The following PTPRM variants were observed in gnomAD, a reference collection of about 807,000 sequenced individuals.
The protein encoded by PTPRM is protein tyrosine phosphatase receptor type M, also known as receptor-type tyrosine-protein phosphatase mu.
In PTPRM, 47 loss-of-function variants were observed where a neutral mutation model predicts 186.7. The observed-to-expected ratio is 0.25, with a 90% CI of 0.20 to 0.32. The LOEUF is 0.32. PTPRM is among the 10% of genes least tolerant of loss of function. The pLI is 1.00. For synonymous variants in PTPRM, 668 were observed against 674.9 expected (o/e 0.99, Z 0.16); for missense variants, 1,494 against 1,865.0 (o/e 0.80, Z 3.66).
chr18:8,352,658 T>TG (rs201101536), intron 23 of PTPRM, among the ~76,000 whole-genome samples: 10,736 of 127,306 alleles, frequency 0.084, 526 homozygotes, highest in South Asian at 0.11. Context: ...GTTTGGTTTT[T>TG]TTTGTTTGTT....
chr18:7,567,824 G>A lies in PTPRM; in HGVS notation c.6G>A (p.Arg2=), dbSNP rs889996488. Reference sequence around the variant, plus strand: ...CCCGGCCCGCACTCAGCACCATGAGGGGACTTGGGACTTGCCTGGCGACTT... The same window carrying A: ...CCCGGCCCGCACTCAGCACCATGAGAGGACTTGGGACTTGCCTGGCGACTT... M[R]GLGTCLATLA... is the part of the protein sequence containing the mutation. Residue 2 remains arginine, a synonymous_variant, in exon 1 of 33, where the codon AGG becomes AGA. Coordinates refer to ENST00000580170, the MANE Select transcript of PTPRM (RefSeq NM_001105244.2). The surrounding 1 kb of genome is among the most constrained non-coding windows in gnomAD (Gnocchi z 4.3). The A allele has an allele frequency of 1.3e-6, 2 of 1,554,924 alleles. No individual in the cohort carries two copies. The highest frequency in any genetic ancestry group is 2.7e-5 in the East Asian group (1 of 37,412).
At chr18:7,875,202 G>GA (rs199574991) in intron 2 of PTPRM, among the ~76,000 whole-genome samples, 20 of 148,852 alleles carry the variant, frequency 1.3e-4, no homozygotes, top group South Asian at 1.1e-3. Flanking sequence ...TCAAGAAAAA[G>GA]AAAAAAAAAG....
chr18:7,957,472 C>T (rs1017250065), intron 7 of PTPRM, among the ~76,000 whole-genome samples: 6 of 152,182 alleles, frequency 3.9e-5, no homozygotes, highest in African/African-American at 7.2e-5. Context: ...AGCCTAATGA[C>T]GATGCGCCCT....
At chr18:7,720,604 C>T (rs900602909) in intron 1 of PTPRM, among the ~76,000 whole-genome samples, 2 of 152,072 alleles carry the variant, frequency 1.3e-5, no homozygotes, top group Admixed American at 1.3e-4. Context: ...CCTTGCTAAC[C>T]TGATTCTGTA....
chr18:8,149,817 TCAGGAG>T (rs1457018231), intron 14 of PTPRM, among the ~76,000 whole-genome samples: 20 of 152,202 alleles, frequency 1.3e-4, no homozygotes, highest in Admixed American at 6.5e-5. Context: ...AGTGCTTCCT[TCAGGAG>T]CTCTTGTAAG....
intron 11 of PTPRM, among the ~76,000 whole-genome samples, chr18:8,089,208 A>C (rs1222158583): frequency 6.6e-6 from 1 of 152,070 alleles, no homozygotes; most frequent in Non-Finnish European, 1.5e-5. Flanking sequence ...CTTTGAATGG[A>C]TGTTTCGATT....
chr18:7,603,923 G>A (rs759824820), intron 1 of PTPRM, among the ~76,000 whole-genome samples: 5 of 152,148 alleles, frequency 3.3e-5, no homozygotes, highest in East Asian at 1.9e-4. Flanking sequence ...TAGTAACATC[G>A]GGGGCTTGTG....
At chr18:7,676,705 G>A (rs1305298683) in intron 1 of PTPRM, among the ~76,000 whole-genome samples, 8 of 151,624 alleles carry the variant, frequency 5.3e-5, no homozygotes, top group Admixed American at 6.6e-5. Flanking sequence ...GCACGCGCAC[G>A]CGCATGGATT....
At chr18:8,213,493 A>G (rs1403164387) in intron 14 of PTPRM, among the ~76,000 whole-genome samples, 2 of 152,242 alleles carry the variant, frequency 1.3e-5, no homozygotes, top group Admixed American at 1.3e-4. Context: ...CAGGCCCAGA[A>G]AATAATGGAG....
intron 2 of PTPRM, 67 bp downstream of exon 2, chr18:7,774,338 A>G: frequency 6.4e-7 from 1 of 1,560,808 alleles, no homozygotes; most frequent in Non-Finnish European, 8.8e-7. Flanking sequence ...CTATGTGTTC[A>G]CTGGATATTG....
chr18:7,938,381 G>C (rs1307383930), intron 5 of PTPRM, among the ~76,000 whole-genome samples: 2 of 152,184 alleles, frequency 1.3e-5, no homozygotes, highest in Non-Finnish European at 2.9e-5. Flanking sequence ...TGGCCTTTTA[G>C]ATCATGTTTG....
chr18:7,797,021 G>A lies in PTPRM; in HGVS notation c.196+22750G>A, dbSNP rs540018748. On this transcript the variant is annotated intron_variant, in intron 2 of 32. Transcript: ENST00000580170. ...CACCATTGGGGGTCACCAGATAGAG[G>A]TCAGTGCTTCATGATGCCACGTGTC... Among the ~76,000 whole-genome samples, 9 of 152,308 alleles carry A rather than the reference G, an allele frequency of 5.9e-5. No individual in the cohort carries two copies. In the South Asian group the frequency reaches 1.9e-3, roughly 32 times the overall value.
intron 32 of PTPRM, 110 bp from the exon 33 acceptor site, chr18:8,405,999 A>G: frequency 2.1e-6 from 2 of 959,480 alleles, no homozygotes; most frequent in Non-Finnish European, 3.4e-6. Flanking sequence ...TCTAATTCAA[A>G]TCCTCCCAGA....
intron 1 of PTPRM, among the ~76,000 whole-genome samples, chr18:7,681,932 A>G (rs1438642853): frequency 6.6e-6 from 1 of 152,232 alleles, no homozygotes; most frequent in African/African-American, 2.4e-5. Context: ...GTTTGTGAGT[A>G]TAACAGAGGC....
At chr18:7,862,817 AT>A (rs1217261289) in intron 2 of PTPRM, among the ~76,000 whole-genome samples, 1 of 152,160 alleles carries the variant, frequency 6.6e-6, no homozygotes, top group Non-Finnish European at 1.5e-5. Flanking sequence ...GAATTCTGAT[AT>A]CCCCATCAAC....
intron 14 of PTPRM, among the ~76,000 whole-genome samples, chr18:8,169,659 T>G (rs1174892265): frequency 6.6e-6 from 1 of 152,216 alleles, no homozygotes; most frequent in Non-Finnish European, 1.5e-5. Flanking sequence ...GGCAAGAATT[T>G]AGCATGGTGT....
chr18:7,926,466 T>C (rs879288861), intron 4 of PTPRM, 102 bp from the exon 5 acceptor site: 26 of 636,628 alleles, frequency 4.1e-5, no homozygotes, highest in Non-Finnish European at 6.5e-5. Context: ...TTTCCCAAGG[T>C]GAACAAAATT....
intron 2 of PTPRM, among the ~76,000 whole-genome samples, chr18:7,835,617 T>G (rs973616676): frequency 2.6e-4 from 40 of 152,154 alleles, no homozygotes; most frequent in Admixed American, 1.8e-3. Context: ...GCAGAATAAG[T>G]TCAATGTTTC....
rs180785401 is a variant in PTPRM, at chr18:8,300,538, G to A, written c.2842+4083G>A. 6.3e-4 allele frequency among the ~76,000 whole-genome samples: 95 copies of A among 151,212 alleles called. 1 individual carries two copies. Among genetic ancestry groups the A allele is most frequent in the Middle Eastern group, 3.4e-3 (1 of 294 alleles). ...AAAAAATCAGCATGTTGAAGTCTCC[G>A]ATCCAAGTGATGAGCTGGTAGGTAA... On this transcript the variant is annotated intron_variant, in intron 20 of 32. Coordinates refer to ENST00000580170, the MANE Select transcript of PTPRM (RefSeq NM_001105244.2).
Sources: gnomAD v4.1 joint callset for allele counts (sites outside exome capture counted in the v4.1 genomes callset) on GRCh38, gnomAD v4.1.1 for gene constraint, Gnocchi (gnomAD v3.1) non-coding constraint, MANE v1.5 for transcripts, NCBI Gene and HGNC (gene_info 2026-07-23, HGNC 2026-07-21) for gene names.